The following SPIDR variants were observed in gnomAD, a reference collection of about 807,000 sequenced individuals.
The protein encoded by SPIDR is scaffold protein involved in DNA repair, also known as DNA repair-scaffolding protein.
Under a neutral mutation model 104.6 loss-of-function variants are expected in SPIDR, and 93 were observed. The ratio of observed to expected loss-of-function variants is 0.89; its 90% confidence interval spans 0.75 to 1.06. The LOEUF (loss-of-function observed/expected upper bound fraction) is 1.06. Among genes scored for constraint, SPIDR ranks in the 50% least tolerant of loss-of-function variants. The probability of loss-of-function intolerance (pLI) is 0.00; values close to 1 mark genes in which losing one functional copy is unlikely to be tolerated. For missense variants in SPIDR, 1,154 were observed against 1,111.2 expected (o/e 1.04, Z -0.55); for synonymous variants, 431 against 416.9 (o/e 1.03, Z -0.41).
At chr8:47,503,545 G>T (rs930423194) in intron 8 of SPIDR, among the ~76,000 whole-genome samples, 20 of 151,780 alleles carry the variant, frequency 1.3e-4, no homozygotes, top group African/African-American at 4.4e-4. Flanking sequence ...CACGTGAGAT[G>T]GGTTTCCTCA....
In SPIDR at chr8:47,407,953, C is replaced by T. The variant is rs2062976358; in HGVS notation, c.869C>T (p.Thr290Ile). The change falls in exon 7 of 20, where the codon ACA becomes ATA. Residue 290 changes from threonine to isoleucine, a missense_variant. Thr to Ile is a moderately conservative substitution (Grantham distance 89). Coordinates refer to ENST00000297423, the MANE Select transcript of SPIDR (RefSeq NM_001080394.4). ...WRHQCISYQK[T>I]LSGRKSGVLT... Reference sequence around the variant, plus strand: ...CATCAATGTATTTCTTACCAAAAGACACTTTCAGGTAAGGCTTGTGCAGGA... The same window carrying T: ...CATCAATGTATTTCTTACCAAAAGATACTTTCAGGTAAGGCTTGTGCAGGA... The T allele has an allele frequency of 2.5e-6, 4 of 1,572,194 alleles. No homozygotes were observed. Among genetic ancestry groups the T allele is most frequent in the South Asian group, 1.2e-5 (1 of 85,982 alleles).
At chr8:47,287,804 A>C (rs906242453) in intron 3 of SPIDR, among the ~76,000 whole-genome samples, 1 of 152,196 alleles carries the variant, frequency 6.6e-6, no homozygotes. Flanking sequence ...TTTTACAATC[A>C]ATTTGTACAG....
At chr8:47,314,886 G>A (rs782447323) in intron 5 of SPIDR, among the ~76,000 whole-genome samples, 1 of 152,154 alleles carries the variant, frequency 6.6e-6, no homozygotes, top group Non-Finnish European at 1.5e-5. Flanking sequence ...CCTGTATTCT[G>A]TCTACCAGAG....
intron 10 of SPIDR, among the ~76,000 whole-genome samples, chr8:47,620,191 G>T (rs772152760): frequency 2.6e-5 from 4 of 151,980 alleles, no homozygotes; most frequent in Admixed American, 6.6e-5. Context: ...GTTTTGAGAA[G>T]GACAAGTTAG....
chr8:47,357,137 ATAGG>A (rs1334695402), intron 5 of SPIDR, among the ~76,000 whole-genome samples: 4 of 152,228 alleles, frequency 2.6e-5, no homozygotes, highest in South Asian at 4.1e-4. Flanking sequence ...ATTTTCTTAA[ATAGG>A]TAGGAAATTA....
intron 16 of SPIDR, among the ~76,000 whole-genome samples, chr8:47,718,686 C>T (rs746359759): frequency 2.0e-5 from 3 of 152,096 alleles, no homozygotes; most frequent in African/African-American, 7.2e-5. Flanking sequence ...GACATTCAGA[C>T]ATTACCTATA....
chr8:47,605,608 G>A (rs1353259628), intron 10 of SPIDR, among the ~76,000 whole-genome samples: 1 of 152,164 alleles, frequency 6.6e-6, no homozygotes, highest in Non-Finnish European at 1.5e-5. Flanking sequence ...AATCAGACTG[G>A]TGTGGGTTCA....
chr8:47,582,546 CCT>C (rs2059812705), intron 8 of SPIDR, among the ~76,000 whole-genome samples: 1 of 151,902 alleles, frequency 6.6e-6, no homozygotes. Context: ...TAAATTGTTC[CCT>C]GTTTAATTGA....
chr8:47,708,381 G>A (rs2081377961), intron 14 of SPIDR, among the ~76,000 whole-genome samples: 3 of 152,216 alleles, frequency 2.0e-5, no homozygotes, highest in Admixed American at 2.0e-4. Flanking sequence ...TTTTAGAGCA[G>A]TTTTAGGTTC....
At chr8:47,698,871 C>T (rs1214123855) in intron 11 of SPIDR, among the ~76,000 whole-genome samples, 1 of 152,194 alleles carries the variant, frequency 6.6e-6, no homozygotes, top group East Asian at 1.9e-4. Flanking sequence ...TCCTGCCAGC[C>T]GCAGATGTGC....
intron 8 of SPIDR, among the ~76,000 whole-genome samples, chr8:47,502,047 A>C (rs1215037800): frequency 2.6e-5 from 4 of 152,208 alleles, no homozygotes; most frequent in Non-Finnish European, 4.4e-5. Context: ...TCGGTTTGCC[A>C]GTATTTTATT....
intron 19 of SPIDR, among the ~76,000 whole-genome samples, chr8:47,734,867 G>T (rs1324980065): frequency 6.6e-6 from 1 of 152,128 alleles, no homozygotes; most frequent in Non-Finnish European, 1.5e-5. Flanking sequence ...TAGAAGAAAT[G>T]GAATCCTATT....
In SPIDR at chr8:47,411,769, A is replaced by T. The variant is rs1221878674; in HGVS notation, c.877+3808A>T. On this transcript the variant is annotated intron_variant, in intron 7 of 19. Transcript: ENST00000297423. Reference sequence around the variant, plus strand: ...AATGGTATTGCCTAGGTTTTCTTCTAGGGTTTTTATGGTTTTAGGTCTAAC... The same window carrying T: ...AATGGTATTGCCTAGGTTTTCTTCTTGGGTTTTTATGGTTTTAGGTCTAAC... Among the ~76,000 whole-genome samples, 115 of 152,256 alleles carry T rather than the reference A, an allele frequency of 7.6e-4. 1 individual carries two copies. Among genetic ancestry groups the T allele is most frequent in the African/African-American group, 2.7e-3 (112 of 41,554 alleles).
At chr8:47,574,858 C>G (rs895624425) in intron 8 of SPIDR, among the ~76,000 whole-genome samples, 1 of 151,984 alleles carries the variant, frequency 6.6e-6, no homozygotes, top group Admixed American at 6.6e-5. Flanking sequence ...TACTAGAATT[C>G]CTTTTTATAC....
At chr8:47,340,440 A>G (rs2050529671) in intron 5 of SPIDR, among the ~76,000 whole-genome samples, 1 of 152,124 alleles carries the variant, frequency 6.6e-6, no homozygotes, top group South Asian at 2.1e-4. Flanking sequence ...CCCCGTCTCT[A>G]CTAAAAATAC....
chr8:47,504,941 G>T (rs2081236041), intron 8 of SPIDR, among the ~76,000 whole-genome samples: 2 of 152,192 alleles, frequency 1.3e-5, no homozygotes, highest in Non-Finnish European at 2.9e-5. Flanking sequence ...ACGCTGCAGA[G>T]TGGCTGATAT....
chr8:47,731,162 A>G (rs573840797), intron 19 of SPIDR, among the ~76,000 whole-genome samples: 1 of 152,026 alleles, frequency 6.6e-6, no homozygotes, highest in African/African-American at 2.4e-5. Context: ...AGGCTGAGGC[A>G]GGAGAATCAC....
At chr8:47,511,206 G>A (rs1412637347) in intron 8 of SPIDR, 4 of 1,591,916 alleles carry the variant, frequency 2.5e-6, no homozygotes, top group Non-Finnish European at 8.6e-7. Context: ...TGTGGCTGTG[G>A]TTAAATTTCT....
At chr8:47,487,857 T>C (rs895452972) in intron 8 of SPIDR, among the ~76,000 whole-genome samples, 1 of 151,304 alleles carries the variant, frequency 6.6e-6, no homozygotes, top group East Asian at 1.9e-4. Context: ...TTCAAAGCAG[T>C]GTGTAGAGGG....
Sources: gnomAD v4.1 joint callset for allele counts (sites outside exome capture counted in the v4.1 genomes callset) on GRCh38, gnomAD v4.1.1 for gene constraint, MANE v1.5 for transcripts, NCBI Gene and HGNC (gene_info 2026-07-23, HGNC 2026-07-21) for gene names.